The following BCL7A variants were observed in gnomAD, a reference collection of about 807,000 sequenced individuals.
BCL7A encodes the protein BAF chromatin remodeling complex subunit BCL7A.
BCL7A carries 11 observed loss-of-function variants against 28.4 expected under a neutral mutation model. The ratio of observed to expected loss-of-function variants is 0.39; its 90% CI spans 0.24 to 0.64. BCL7A has a LOEUF of 0.64. Ranked by LOEUF, BCL7A falls within the 30% of genes least tolerant of loss-of-function variation. The pLI is 0.50. For synonymous variants in BCL7A, 123 were observed against 103.3 expected, an observed-to-expected ratio of 1.19 and a Z score of -1.15; for missense variants, 222 against 274.8, an observed-to-expected ratio of 0.81 and a Z score of 1.36.
rs576080403 is a variant in BCL7A at position 122,022,812 on chromosome 12, C to T, written c.92+629C>T. 2.0e-5 allele frequency among the ~76,000 whole-genome samples: 3 copies of T among 151,792 alleles called. No homozygotes were observed. The East Asian group carries it at 5.9e-4, about 30-fold the overall frequency. ...TTGGGCTGCCTGGAGCGAGGGCTCT[C>T]GGCGACCAGGAAAGATGGGGGCGAG... is the stretch of plus-strand genomic sequence containing the variant. On this transcript the variant is annotated intron_variant, in intron 1 of 5. Transcript: ENST00000261822.
intron 2 of BCL7A, among the ~76,000 whole-genome samples, chr12:122,034,518 G>C (rs1344735849): frequency 6.7e-6 from 1 of 150,242 alleles, no homozygotes; most frequent in Non-Finnish European, 1.5e-5. Flanking sequence ...GGCAGATCAC[G>C]AGGTCAGGAG....
intron 2 of BCL7A, among the ~76,000 whole-genome samples, chr12:122,033,011 A>G (rs769013148): frequency 5.9e-5 from 9 of 152,210 alleles, no homozygotes; most frequent in South Asian, 2.1e-4. Context: ...CTCAGTATCT[A>G]TATGGTTATA....
intron 3 of BCL7A, among the ~76,000 whole-genome samples, chr12:122,041,165 G>A (rs1883959081): frequency 6.6e-6 from 1 of 152,178 alleles, no homozygotes; most frequent in Non-Finnish European, 1.5e-5. Flanking sequence ...AGGTAGAGGA[G>A]GGGCGTGGGG....
intron 5 of BCL7A, among the ~76,000 whole-genome samples, chr12:122,058,035 TA>T (rs879263820): frequency 5.1e-4 from 72 of 140,864 alleles, no homozygotes; most frequent in Admixed American, 5.7e-4. Flanking sequence ...ACAAAAAACT[TA>T]AAAAAAAAAA....
At chr12:122,033,856 C>T (rs1027469427) in intron 2 of BCL7A, among the ~76,000 whole-genome samples, 1 of 152,178 alleles carries the variant, frequency 6.6e-6, no homozygotes, top group Admixed American at 6.5e-5. Context: ...AAAAAAGGAA[C>T]TCATACCCAT....
chr12:122,022,001 T>C lies in BCL7A; in HGVS notation c.-91T>C, dbSNP rs1021206377. The C allele has an allele frequency of 3.8e-6, 4 of 1,054,192 alleles. No homozygotes were observed. Among genetic ancestry groups the C allele is most frequent in the African/African-American group, 1.7e-5 (1 of 60,244 alleles). The allele number at this position is 1,054,192 out of a possible 1,614,324, so 65.3% of individuals were successfully genotyped here. ...GTGCGAGTGTCTGTGCGCGAGTGAG[T>C]GAGCGGCGGGCGGGCGCGAGTGTGG... is the stretch of plus-strand genomic sequence containing the variant. On this transcript the variant is annotated 5_prime_UTR_variant, in exon 1 of 6. Coordinates refer to ENST00000261822, the MANE Select transcript of BCL7A (RefSeq NM_001024808.3).
chr12:122,059,967 A>G lies in BCL7A; in HGVS notation c.*804A>G, dbSNP rs1951907267. 8.6e-6 allele frequency: 2 copies of G among 232,482 alleles called. No homozygotes were observed. Among genetic ancestry groups the G allele is most frequent in the South Asian group, 1.8e-4 (1 of 5,518 alleles). The allele number at this position is 232,482 out of a possible 1,614,324, so 14.4% of individuals were successfully genotyped here. On this transcript the variant is annotated 3_prime_UTR_variant, in exon 6 of 6. Coordinates refer to ENST00000261822, the MANE Select transcript of BCL7A (RefSeq NM_001024808.3). The surrounding 1 kb of genome is among the most constrained non-coding windows in gnomAD (Gnocchi z 4.0). The stretch of plus-strand genomic sequence containing the variant: ...CAGATGGACGTGCAAAGCCCTTGGA[A>G]TTTTCTGGCACTTCCTCTCTATTGC...
At chr12:122,056,362 T>C (rs2135861776) in intron 5 of BCL7A, among the ~76,000 whole-genome samples, 2 of 151,376 alleles carry the variant, frequency 1.3e-5, no homozygotes, top group Admixed American at 1.3e-4. Flanking sequence ...TACCCCACAC[T>C]CTTGCTTCCA....
chr12:122,052,656 C>T (rs911293258), intron 4 of BCL7A, among the ~76,000 whole-genome samples: 6 of 151,958 alleles, frequency 3.9e-5, no homozygotes, highest in African/African-American at 1.5e-4. Flanking sequence ...TGTTTTCTTT[C>T]TTTTTGTTTT....
intron 3 of BCL7A, among the ~76,000 whole-genome samples, chr12:122,043,578 G>T (rs534341622): frequency 6.6e-6 from 1 of 152,160 alleles, no homozygotes; most frequent in South Asian, 2.1e-4. Flanking sequence ...TTCGAGACGG[G>T]TCTGGCCAAC....
intron 4 of BCL7A, among the ~76,000 whole-genome samples, chr12:122,046,625 G>A (rs2135854396): frequency 6.6e-6 from 1 of 152,306 alleles, no homozygotes; most frequent in South Asian, 2.1e-4. Flanking sequence ...GTGAGAATCT[G>A]GCTATACAGA....
Position 122,054,915 on chromosome 12 carries a change from G to A in BCL7A, c.550G>A (p.Ala184Thr). ...CTCGGGTCTGGCCGCAGAGACGTCT[G>A]CAATCTCTCAGGTACCTCGCTCGAG... ...GDSGLAAETS[A>T]ISQDLEGVPP... Residue 184 changes from alanine to threonine, a missense_variant, in exon 5 of 6, where the codon GCA becomes ACA. Physicochemically the swap from Ala to Thr is moderately conservative, Grantham distance 58. Transcript: ENST00000261822. 1.2e-6 allele frequency: 2 copies of A among 1,614,216 alleles called. No homozygotes were observed. The highest frequency in any genetic ancestry group is 1.7e-6 in the Non-Finnish European group (2 of 1,180,038).
intron 1 of BCL7A, among the ~76,000 whole-genome samples, chr12:122,024,209 G>C (rs1565933413): frequency 1.3e-5 from 2 of 152,230 alleles, no homozygotes; most frequent in Admixed American, 1.3e-4. Context: ...GTCCTCTGAA[G>C]ACCTCAGGCT....
chr12:122,045,947 G>A (rs11043300), intron 4 of BCL7A, among the ~76,000 whole-genome samples: 1,773 of 150,194 alleles, frequency 0.012, 21 homozygotes, highest in Non-Finnish European at 0.015. Context: ...AAATGAGCCC[G>A]GCATGGTGGC....
At chr12:122,022,747 T>C (rs2135833560) in intron 1 of BCL7A, among the ~76,000 whole-genome samples, 2 of 150,346 alleles carry the variant, frequency 1.3e-5, no homozygotes, top group Non-Finnish European at 1.5e-5. Flanking sequence ...CCCTCGAGTC[T>C]GCGGAGTTTG....
At chr12:122,024,637 C>T (rs1011863491) in intron 1 of BCL7A, among the ~76,000 whole-genome samples, 7 of 152,062 alleles carry the variant, frequency 4.6e-5, no homozygotes, top group African/African-American at 1.2e-4. Flanking sequence ...ATGCATTTCA[C>T]CACTGGTGGG....
intron 1 of BCL7A, among the ~76,000 whole-genome samples, chr12:122,028,435 C>A (rs1294652595): frequency 6.6e-6 from 1 of 151,110 alleles, no homozygotes; most frequent in Non-Finnish European, 1.5e-5. Flanking sequence ...TTCCCAAACA[C>A]AATCAAACCT....
At chr12:122,039,437 A>G (rs1379837351) in intron 3 of BCL7A, among the ~76,000 whole-genome samples, 1 of 147,660 alleles carries the variant, frequency 6.8e-6, no homozygotes, top group African/African-American at 2.5e-5. Flanking sequence ...AGTGAACAGT[A>G]ATTGCACCAC....
At chr12:122,028,786 G>A (rs1883682236) in intron 1 of BCL7A, among the ~76,000 whole-genome samples, 1 of 148,728 alleles carries the variant, frequency 6.7e-6, no homozygotes, top group South Asian at 2.1e-4. Context: ...GGGTGTGTAA[G>A]TAGAGTGCTT....
Sources: allele counts gnomAD v4.1 joint callset (sites outside exome capture counted in the v4.1 genomes callset), GRCh38; gene constraint gnomAD v4.1.1; non-coding constraint Gnocchi (gnomAD v3.1); transcripts MANE v1.5; gene names NCBI Gene and HGNC (gene_info 2026-07-23, HGNC 2026-07-21).